The following MTMR10 variants were observed in gnomAD, a reference collection of about 807,000 sequenced individuals.
MTMR10 encodes myotubularin-related protein 10.
Under a neutral mutation model 88.1 loss-of-function variants are expected in MTMR10, and 56 were observed. The ratio of observed to expected loss-of-function variants is 0.64; its 90% CI spans 0.51 to 0.79. The LOEUF (loss-of-function observed/expected upper bound fraction) is 0.79. MTMR10 is among the 30% of genes least tolerant of loss of function. MTMR10 has a pLI of 0.00. For synonymous variants in MTMR10, 380 were observed against 340.9 expected (o/e 1.11, Z -1.26); for missense variants, 883 against 924.7 (o/e 0.95, Z 0.58).
chr15:30,934,881 TCTA>T (rs1308213300), downstream of MTMR10, among the ~76,000 whole-genome samples: 1 of 152,250 alleles, frequency 6.6e-6, no homozygotes, highest in East Asian at 1.9e-4. Flanking sequence ...ATATTTTACT[TCTA>T]CGTGTTATAT....
At chr15:30,925,425 G>A in the MTMR10 span, 6 of 871,724 alleles carry the variant, frequency 6.9e-6, no homozygotes, top group East Asian at 7.9e-5. Context: ...CGTTTTGGAC[G>A]GCTGTGTGGC....
the MTMR10 span, chr15:30,927,264 A>G: frequency 2.0e-6 from 2 of 985,532 alleles, no homozygotes; most frequent in South Asian, 4.7e-5. Flanking sequence ...TTCCTGCCTG[A>G]TCGTCAGTGT....
Position 30,940,323 on chromosome 15 carries a change from A to T in MTMR10, c.*1147T>A, listed in dbSNP as rs2062998503. 1 of 985,318 alleles carries T rather than the reference A, an allele frequency of 1.0e-6. No individual in the cohort carries two copies. The highest frequency in any genetic ancestry group is 6.1e-5 in the Admixed American group (1 of 16,270). The allele number at this position is 985,318 out of a possible 1,614,324, so 61.0% of individuals were successfully genotyped here. A position where few individuals can be genotyped will look rare whatever the true frequency, so the allele number is the denominator to read the frequency against. ...ATCAAGCAAACAACTGTGTCTGCTC[A>T]TTCTCCTCAACTTTGCTGTCCAAAG... is the stretch of plus-strand genomic sequence containing the variant. On this transcript the variant is annotated 3_prime_UTR_variant, in exon 16 of 16. Transcript: ENST00000435680.
the MTMR10 span, chr15:30,928,552 G>A: frequency 1.3e-6 from 2 of 1,592,058 alleles, no homozygotes; most frequent in African/African-American, 1.4e-5. Context: ...CCTTGTCTTA[G>A]GGATTCATGG....
At chr15:30,977,334 A>G (rs192925325) in intron 2 of MTMR10, among the ~76,000 whole-genome samples, 4 of 152,376 alleles carry the variant, frequency 2.6e-5, no homozygotes, top group Non-Finnish European at 4.4e-5. Flanking sequence ...TTATTAACAC[A>G]TGACTTGATC....
the MTMR10 span, chr15:30,927,997 T>C: frequency 3.9e-5 from 38 of 985,732 alleles, no homozygotes; most frequent in Non-Finnish European, 4.3e-5. Context: ...GTAAAAGCCT[T>C]GACTATCGGA....
At chr15:30,952,523 C>G (rs2063263487) in intron 11 of MTMR10, among the ~76,000 whole-genome samples, 1 of 151,450 alleles carries the variant, frequency 6.6e-6, no homozygotes, top group Non-Finnish European at 1.5e-5. Context: ...AGCCACCATG[C>G]CTGCCTAGTT....
chr15:30,945,539 G>A (rs1426934308), intron 14 of MTMR10, among the ~76,000 whole-genome samples: 1 of 63,000 alleles, frequency 1.6e-5, no homozygotes, highest in African/African-American at 4.9e-5. Context: ...CGCACCTTTT[G>A]CAGGCTCACA....
the MTMR10 span, chr15:30,920,598 A>AT: frequency 6.2e-7 from 1 of 1,612,312 alleles, no homozygotes; most frequent in Non-Finnish European, 8.5e-7. Flanking sequence ...GGGTGGATTT[A>AT]TACAAGGATT....
chr15:30,991,006 C>A (rs755083582), intron 1 of MTMR10, among the ~76,000 whole-genome samples, 169 bp from the exon 2 acceptor site: 4 of 152,216 alleles, frequency 2.6e-5, no homozygotes, highest in Admixed American at 6.5e-5. Context: ...TCATTATCGA[C>A]TTGGAAGCCT....
Position 30,958,912 on chromosome 15 carries a change from G to T in MTMR10, c.886C>A (p.Arg296=), listed in dbSNP as rs1477482617. The change falls in exon 9 of 16, where the codon CGA becomes AGA. Residue 296 remains arginine (R), a synonymous_variant. Coordinates refer to ENST00000435680, the MANE Select transcript of MTMR10 (RefSeq NM_017762.3). ...WSHSNGSALV[R]MALIKDVLQQ... is the part of the protein sequence containing the mutation. ...AGCACGTCTTTGATGAGGGCCATTC[G>T]CACAAGAGCACTGCCGTTAGAGTGG... 2 of 1,613,804 alleles carry T rather than the reference G, an allele frequency of 1.2e-6. No homozygotes were observed. The highest frequency in any genetic ancestry group is 1.7e-6 in the Non-Finnish European group (2 of 1,179,860).
chr15:30,925,042 CA>C, the MTMR10 span: 44 of 1,396,278 alleles, frequency 3.2e-5, no homozygotes, highest in East Asian at 8.8e-4. Flanking sequence ...CAATAATAAA[CA>C]GTGGGCTTTT....
the MTMR10 span, among the ~76,000 whole-genome samples, chr15:30,931,542 A>G: frequency 6.6e-6 from 1 of 152,206 alleles, no homozygotes; most frequent in Non-Finnish European, 1.5e-5. Context: ...TTCTTCTAGA[A>G]GTGTTATAGT....
chr15:30,947,488 C>T (rs1239982885), intron 13 of MTMR10, among the ~76,000 whole-genome samples, 188 bp from the exon 14 acceptor site: 1 of 152,210 alleles, frequency 6.6e-6, no homozygotes, highest in Non-Finnish European at 1.5e-5. Context: ...CCGTGATAAA[C>T]ATCACAACCC....
intron 12 of MTMR10, chr15:30,950,456 G>A (rs753785307): frequency 3.3e-5 from 5 of 152,170 alleles, no homozygotes; most frequent in Non-Finnish European, 7.3e-5. Flanking sequence ...GACCACCTGA[G>A]GGCAGGAGTT....
chr15:30,922,272 G>A, the MTMR10 span: 1 of 1,613,554 alleles, frequency 6.2e-7, no homozygotes, highest in Non-Finnish European at 8.5e-7. Flanking sequence ...TTGTCTCAGA[G>A]AATTTATTGT....
chr15:30,937,961 G>A (rs557527896), downstream of MTMR10, among the ~76,000 whole-genome samples: 13 of 151,312 alleles, frequency 8.6e-5, no homozygotes, highest in Middle Eastern at 3.5e-3. Flanking sequence ...CGAGGCAGGC[G>A]CATCATGAGG....
At chr15:30,958,448 G>A (rs1162808049) in intron 9 of MTMR10, among the ~76,000 whole-genome samples, 1 of 152,236 alleles carries the variant, frequency 6.6e-6, no homozygotes, top group East Asian at 1.9e-4. Context: ...CACAGCAGAT[G>A]ATGCCAGACT....
chr15:30,973,321 A>G (rs921566491), intron 5 of MTMR10, among the ~76,000 whole-genome samples: 3 of 152,036 alleles, frequency 2.0e-5, no homozygotes, highest in Non-Finnish European at 4.4e-5. Context: ...AGACAGTCAC[A>G]TATTTTCAGA....
Sources: gnomAD v4.1 joint callset for allele counts (sites outside exome capture counted in the v4.1 genomes callset) on GRCh38, gnomAD v4.1.1 for gene constraint, MANE v1.5 for transcripts, NCBI Gene and HGNC (gene_info 2026-07-23, HGNC 2026-07-21) for gene names.